The following SMNDC1 variants were observed in gnomAD, a reference collection of about 807,000 sequenced individuals.
The protein encoded by SMNDC1 is survival motor neuron domain containing 1.
SMNDC1 carries 5 observed loss-of-function variants against 29.2 expected under a neutral mutation model. The observed-to-expected ratio is 0.17, with a 90% CI of 0.09 to 0.36. The LOEUF (loss-of-function observed/expected upper bound fraction) is 0.36, where lower values mean the gene tolerates loss of function less well. Ranked by LOEUF, SMNDC1 falls within the 10% of genes least tolerant of loss-of-function variation. The probability of loss-of-function intolerance (pLI) is 1.00; values close to 1 mark genes in which losing one functional copy is unlikely to be tolerated. For missense variants in SMNDC1, 142 were observed against 268.5 expected (o/e 0.53, Z 3.29); for synonymous variants, 80 against 89.9 (o/e 0.89, Z 0.62).
At chr10:110,297,815 A>C in intron 3 of SMNDC1, 87 bp from the exon 4 acceptor site, 19 of 1,155,660 alleles carry the variant, frequency 1.6e-5, no homozygotes, top group Non-Finnish European at 2.3e-5. Context: ...AAATTATTAC[A>C]TGTGTCTATA....
intron 4 of SMNDC1, among the ~76,000 whole-genome samples, chr10:110,296,700 T>G (rs1470370422): frequency 6.6e-6 from 1 of 152,182 alleles, no homozygotes; most frequent in Non-Finnish European, 1.5e-5. Context: ...TCAAATGTGA[T>G]CACATCATAT....
intron 3 of SMNDC1, among the ~76,000 whole-genome samples, chr10:110,298,303 A>G (rs1181792037): frequency 6.6e-6 from 1 of 152,206 alleles, no homozygotes; most frequent in African/African-American, 2.4e-5. Context: ...GATATTTCTT[A>G]TAGGAATGAT....
chr10:110,295,152 A>T, intron 5 of SMNDC1, 76 bp downstream of exon 5: 1 of 1,358,926 alleles, frequency 7.4e-7, no homozygotes, highest in Non-Finnish European at 1.0e-6. Flanking sequence ...AAAAATCTCC[A>T]TCTCTTTTCA....
In SMNDC1 at chr10:110,296,625, C is replaced by T. The variant is rs149621942; in HGVS notation, c.425+942G>A. On this transcript the variant is annotated intron_variant, in intron 4 of 5. Transcript: ENST00000369603. Reference sequence around the variant, plus strand: ...CCATTGCAACTCCCTGGGTTCAGGCCATCATCTTATACCTGGATCACAGCA... The same window carrying T: ...CCATTGCAACTCCCTGGGTTCAGGCTATCATCTTATACCTGGATCACAGCA... 2.0e-3 allele frequency among the ~76,000 whole-genome samples: 305 copies of T among 152,234 alleles called. 1 individual carries two copies. The highest frequency in any genetic ancestry group is 3.5e-3 in the Non-Finnish European group (237 of 68,016).
At position 110,294,283 on chromosome 10, in the gene SMNDC1, T is replaced by C; in HGVS notation, c.584A>G (p.Lys195Arg). The C allele has an allele frequency of 1.3e-6, 2 of 1,577,558 alleles. No homozygotes were observed. Among genetic ancestry groups the C allele is most frequent in the Admixed American group, 2.0e-5 (1 of 50,420 alleles). The change falls in exon 6 of 6, where the codon AAG becomes AGG. Residue 195 changes from lysine to arginine, a missense_variant. Lys to Arg is a conservative substitution (Grantham distance 26). This residue lies in a region of SMNDC1 where 54 missense variants were observed against 152.1 expected (regional missense o/e 0.36). Transcript: ENST00000369603. ...AYSKNKKGQVKRSIFASPESV... is the reference protein window; with the variant it reads ...AYSKNKKGQVRRSIFASPESV... ...CTCAGGTGAAGCAAAAATACTCCTCTTTACCTAAGGGAAAGAAAACAGAAA... is the reference window on the plus strand; with the variant it reads ...CTCAGGTGAAGCAAAAATACTCCTCCTTACCTAAGGGAAAGAAAACAGAAA...
chr10:110,294,176 T>G lies in SMNDC1; in HGVS notation c.691A>C (p.Asn231His), dbSNP rs1564732459. The G allele has an allele frequency of 6.3e-7, 1 of 1,594,988 alleles. No homozygotes were observed. The highest frequency in any genetic ancestry group is 8.5e-7 in the Non-Finnish European group (1 of 1,172,932). The change falls in exon 6 of 6, where the codon AAT (asparagine) becomes CAT (histidine). Residue 231 changes from asparagine to histidine, a missense_variant. By Grantham distance (68) the Asn-to-His change is moderately conservative. This residue lies in a region of SMNDC1 where 54 missense variants were observed against 152.1 expected (regional missense o/e 0.36). Coordinates refer to ENST00000369603, the MANE Select transcript of SMNDC1 (RefSeq NM_005871.4). ...TATTGAGGCATCAAATGCCTGACAT[T>G]GTATTTAGAGGTATCTTGATATTGT... Reference protein sequence around the residue: ...MTQYQDTSKYNVRHLMPQ With the variant: ...MTQYQDTSKYHVRHLMPQ
intron 2 of SMNDC1, among the ~76,000 whole-genome samples, chr10:110,300,173 G>T (rs1296248147): frequency 6.6e-6 from 1 of 152,198 alleles, no homozygotes; most frequent in Non-Finnish European, 1.5e-5. Context: ...AATACTTCCA[G>T]ATCCACCTAG....
chr10:110,303,734 C>T, intron 1 of SMNDC1, 147 bp from the exon 2 acceptor site: 1 of 667,614 alleles, frequency 1.5e-6, no homozygotes, highest in Non-Finnish European at 2.4e-6. Context: ...TACCTTTACT[C>T]TCAGTTTAGA....
intron 2 of SMNDC1, chr10:110,300,434 C>T (rs979966918): frequency 2.3e-6 from 1 of 435,898 alleles, no homozygotes; most frequent in Non-Finnish European, 3.0e-6. Context: ...TTTTACATAA[C>T]CCTCCCAACA....
Position 110,292,354 on chromosome 10 carries a change from C to T in SMNDC1, c.*1796G>A, listed in dbSNP as rs1161182502. On this transcript the variant is annotated 3_prime_UTR_variant, in exon 6 of 6. Coordinates refer to ENST00000369603, the MANE Select transcript of SMNDC1 (RefSeq NM_005871.4). ...AAAGTCCTCTGGGAAAACTAAGGCC[C>T]CCCAGGGTCAAAAGAGGGACAAGAC... 1 of 152,002 alleles carries T rather than the reference C, an allele frequency of 6.6e-6. No individual in the cohort carries two copies. The highest frequency in any genetic ancestry group is 1.9e-4 in the East Asian group (1 of 5,194). 9.4% of individuals were successfully genotyped at this position (152,002 alleles called of 1,614,324 possible).
At chr10:110,298,288 G>A (rs1208501950) in intron 3 of SMNDC1, among the ~76,000 whole-genome samples, 3 of 152,076 alleles carry the variant, frequency 2.0e-5, no homozygotes, top group Non-Finnish European at 4.4e-5. Context: ...CACACCCAGC[G>A]AAAAGATATT....
chr10:110,297,584 G>C lies in SMNDC1; in HGVS notation c.408C>G (p.Gly136=). The C allele has an allele frequency of 6.2e-7, 1 of 1,613,298 alleles. No individual in the cohort carries two copies. Among genetic ancestry groups the C allele is most frequent in the Non-Finnish European group, 8.5e-7 (1 of 1,179,684 alleles). ...EEGRKAKEDS[G]NKPMSKKEMI... ...TCACTTACTTTGACATGGGTTTGTT[G>C]CCACTGTCCTCCTTTGCCTTCCTTC... The change falls in exon 4 of 6, where the codon GGC becomes GGG. Residue 136 remains glycine, a synonymous_variant. Transcript: ENST00000369603.
chr10:110,298,433 T>C (rs1857598407), intron 3 of SMNDC1, among the ~76,000 whole-genome samples: 6 of 152,212 alleles, frequency 3.9e-5, no homozygotes, highest in Admixed American at 3.9e-4. Flanking sequence ...TTTTCTTTCC[T>C]CCAGAATCCC....
At chr10:110,302,331 G>A (rs1253629863) in intron 2 of SMNDC1, among the ~76,000 whole-genome samples, 4 of 152,298 alleles carry the variant, frequency 2.6e-5, no homozygotes, top group Admixed American at 2.0e-4. Flanking sequence ...TGGCTTCTAC[G>A]TATCGAAGAG....
At position 110,294,145 on chromosome 10, in the gene SMNDC1, T is replaced by C. The variant is rs182183224; in HGVS notation, c.*5A>G. On this transcript the variant is annotated 3_prime_UTR_variant, in exon 6 of 6. Transcript: ENST00000369603. ...TGCAGAGATGAAATCCAACAGTTTTTCTGATTATTGAGGCATCAAATGCCT... is the reference window on the plus strand; with the variant it reads ...TGCAGAGATGAAATCCAACAGTTTTCCTGATTATTGAGGCATCAAATGCCT... The C allele has an allele frequency of 2.4e-5, 38 of 1,571,518 alleles. No homozygotes were observed. The Middle Eastern group carries it at 7.2e-4, about 30-fold the overall frequency.
intron 4 of SMNDC1, among the ~76,000 whole-genome samples, chr10:110,296,954 C>T (rs1005043159): frequency 5.3e-5 from 8 of 152,220 alleles, no homozygotes; most frequent in Non-Finnish European, 1.0e-4. Context: ...TAATGTACTG[C>T]CCCTATCTTA....
chr10:110,301,806 G>C (rs1391883469), intron 2 of SMNDC1, among the ~76,000 whole-genome samples: 1 of 152,198 alleles, frequency 6.6e-6, no homozygotes, highest in Non-Finnish European at 1.5e-5. Context: ...AAGCCTTTTA[G>C]GGGCTTACTA....
Position 110,298,703 on chromosome 10 carries a change from T to A in SMNDC1, c.208A>T (p.Thr70Ser). Residue 70 changes from threonine to serine, a missense_variant, in exon 3 of 6, where the codon ACT (threonine) becomes TCT (serine). Thr to Ser is a moderately conservative substitution (Grantham distance 58, BLOSUM62 1). Around this residue, in one of 4 missense-constraint regions of SMNDC1, gnomAD observed 65 missense variants for 75.9 expected, o/e 0.86. Transcript: ENST00000369603. The part of the protein sequence containing the change: ...SSDSFASTQP[T>S]HSWKVGDKCM... The stretch of plus-strand genomic sequence containing the variant: ...TTGTCTCCTACTTTCCATGAATGAG[T>A]AGGTTGAGTAGAAGCAAAACTGTCT... 1 of 1,613,616 alleles carries A rather than the reference T, an allele frequency of 6.2e-7. No individual in the cohort carries two copies. The highest frequency in any genetic ancestry group is 8.5e-7 in the Non-Finnish European group (1 of 1,179,638).
At chr10:110,297,051 C>T (rs186865007) in intron 4 of SMNDC1, among the ~76,000 whole-genome samples, 6 of 152,168 alleles carry the variant, frequency 3.9e-5, no homozygotes, top group Admixed American at 1.3e-4. Flanking sequence ...AACATCATAC[C>T]GCCTTGTAGC....
Sources: allele counts gnomAD v4.1 joint callset (sites outside exome capture counted in the v4.1 genomes callset), GRCh38; gene constraint gnomAD v4.1.1; regional missense constraint gnomAD v4.1.1; transcripts MANE v1.5; gene names NCBI Gene and HGNC (gene_info 2026-07-23, HGNC 2026-07-21).